CASQ2: variants seen among roughly 807,000 people sequenced by gnomAD.
CASQ2 encodes the protein calsequestrin-2.
In CASQ2, 49 loss-of-function variants were observed where a neutral mutation model predicts 46.5. That is an observed-to-expected ratio of 1.05 (90% CI 0.84 to 1.34). The LOEUF is 1.34. Ranked by LOEUF, CASQ2 falls within the 40% of genes most tolerant of loss-of-function variation. CASQ2 has a pLI of 0.00. For missense variants in CASQ2, 486 were observed against 481.3 expected (o/e 1.01, Z -0.09); for synonymous variants, 174 against 168.5 (o/e 1.03, Z -0.25).
chr1:115,712,294 C>T (rs987597103), intron 8 of CASQ2, among the ~76,000 whole-genome samples: 5 of 152,164 alleles, frequency 3.3e-5, no homozygotes, highest in South Asian at 2.1e-4. Flanking sequence ...CATGTGAATA[C>T]GCTACCACTC....
At chr1:115,720,204 G>A (rs1024335883) in intron 7 of CASQ2, among the ~76,000 whole-genome samples, 1 of 152,136 alleles carries the variant, frequency 6.6e-6, no homozygotes. Context: ...ATAAACAACA[G>A]AAATTTATTT....
chr1:115,723,441 T>C (rs1456542699), intron 7 of CASQ2, among the ~76,000 whole-genome samples: 1 of 152,228 alleles, frequency 6.6e-6, no homozygotes, highest in Non-Finnish European at 1.5e-5. Flanking sequence ...TTGGTACATC[T>C]GAAATTATTT....
chr1:115,736,050 C>A (rs866634707), intron 4 of CASQ2, among the ~76,000 whole-genome samples: 2 of 151,556 alleles, frequency 1.3e-5, no homozygotes, highest in Admixed American at 6.6e-5. Flanking sequence ...GTAATCCCAG[C>A]TACTCAGGAG....
chr1:115,740,444 A>G (rs952604860), intron 3 of CASQ2, among the ~76,000 whole-genome samples: 8 of 152,162 alleles, frequency 5.3e-5, no homozygotes, highest in African/African-American at 1.9e-4. Context: ...GTAGCAGTGG[A>G]GCAAAACCAA....
intron 5 of CASQ2, among the ~76,000 whole-genome samples, chr1:115,728,347 A>T (rs746369788): frequency 1.3e-5 from 2 of 152,216 alleles, no homozygotes; most frequent in Non-Finnish European, 2.9e-5. Context: ...CTACTCAGAG[A>T]TCAAGAAAAC....
At chr1:115,760,885 T>C (rs948387991) in intron 1 of CASQ2, among the ~76,000 whole-genome samples, 1 of 152,172 alleles carries the variant, frequency 6.6e-6, no homozygotes, top group Non-Finnish European at 1.5e-5. Flanking sequence ...TATTAATACA[T>C]AGATGAATTT....
intron 1 of CASQ2, among the ~76,000 whole-genome samples, chr1:115,750,133 G>A (rs1648527072): frequency 6.6e-6 from 1 of 152,218 alleles, no homozygotes; most frequent in African/African-American, 2.4e-5. Context: ...ACAAGTTCAA[G>A]GGCCTTGTGA....
intron 2 of CASQ2, among the ~76,000 whole-genome samples, chr1:115,743,886 C>T (rs1435293869): frequency 6.6e-6 from 1 of 151,888 alleles, no homozygotes; most frequent in Non-Finnish European, 1.5e-5. Context: ...CCTGTAATCC[C>T]ACCATTTTGG....
rs1179239525 is a variant in CASQ2 at position 115,754,343 on chromosome 1, G to T, written c.235-9431C>A. Among the ~76,000 whole-genome samples the T allele has an allele frequency of 2.6e-5, 4 of 152,178 alleles. No homozygotes were observed. The East Asian group carries it at 7.7e-4, about 29-fold the overall frequency. On this transcript the variant is annotated intron_variant, in intron 1 of 10. Coordinates refer to ENST00000261448, the MANE Select transcript of CASQ2 (RefSeq NM_001232.4). Reference sequence around the variant, plus strand: ...TGTTGATTGTTTTTATTGGCATTTTGGACTATCACGTTGGTCAATGCCAAG... The same window carrying T: ...TGTTGATTGTTTTTATTGGCATTTTTGACTATCACGTTGGTCAATGCCAAG...
intron 1 of CASQ2, 41 bp downstream of exon 1, chr1:115,768,267 T>A: frequency 7.6e-7 from 1 of 1,309,512 alleles, no homozygotes; most frequent in Admixed American, 1.7e-5. Context: ...CCTCGGCACC[T>A]CACTGAGGCA....
chr1:115,751,938 C>T (rs905370188), intron 1 of CASQ2, among the ~76,000 whole-genome samples: 6 of 152,186 alleles, frequency 3.9e-5, no homozygotes, highest in Non-Finnish European at 8.8e-5. Flanking sequence ...TCTTCAGCTC[C>T]GCAAAACATC....
chr1:115,733,379 A>C lies in CASQ2; in HGVS notation c.533-405T>G, dbSNP rs76070081. Among the ~76,000 whole-genome samples the C allele has an allele frequency of 4.1e-3, 625 of 152,326 alleles. 1 individual carries two copies. Among genetic ancestry groups the C allele is most frequent in the African/African-American group, 0.013 (542 of 41,560 alleles). ...TTGCCAGAATAAATGAGCCCTAAGT[A>C]AGAAGGAAATTCGTCTCACAGTGTA... On this transcript the variant is annotated intron_variant, in intron 4 of 10. Coordinates refer to ENST00000261448, the MANE Select transcript of CASQ2 (RefSeq NM_001232.4).
At position 115,768,381 on chromosome 1, in the gene CASQ2, A is replaced by G; in HGVS notation, c.161T>C (p.Leu54Pro). ...QVLKKYDLLCLYYHEPVSSDK... is the reference protein window; with the variant it reads ...QVLKKYDLLCPYYHEPVSSDK... ...TGAAGACACCGGCTCATGGTAGTAG[A>G]GGCAAAGCAAGTCATATTTCTTTAA... The change falls in exon 1 of 11, where the codon CTC becomes CCC. Residue 54 changes from leucine (L) to proline (P), a missense_variant. Coordinates refer to ENST00000261448, the MANE Select transcript of CASQ2 (RefSeq NM_001232.4). The G allele has an allele frequency of 6.2e-7, 1 of 1,614,094 alleles. No homozygotes were observed. Among genetic ancestry groups the G allele is most frequent in the Non-Finnish European group, 8.5e-7 (1 of 1,179,960 alleles).
chr1:115,700,752 C>T lies in CASQ2; in HGVS notation c.*489G>A. 1 of 415,258 alleles carries T rather than the reference C, an allele frequency of 2.4e-6. No individual in the cohort carries two copies. Among genetic ancestry groups the T allele is most frequent in the Admixed American group, 3.9e-5 (1 of 25,364 alleles). 25.7% of individuals were successfully genotyped at this position (415,258 alleles called of 1,614,324 possible). A position where few individuals can be genotyped will look rare whatever the true frequency, so the allele number is the denominator to read the frequency against. On this transcript the variant is annotated 3_prime_UTR_variant, in exon 11 of 11. Coordinates refer to ENST00000261448, the MANE Select transcript of CASQ2 (RefSeq NM_001232.4). ...CTGAGCCTTCTCTAAGAAGGATCAT[C>T]TTGGCTGGAGGAGGGATCCCAACTG...
chr1:115,704,707 G>C (rs1654306730), intron 9 of CASQ2, among the ~76,000 whole-genome samples: 1 of 152,170 alleles, frequency 6.6e-6, no homozygotes. Context: ...TTCATCGTAG[G>C]CTAGACACTA....
At chr1:115,753,469 C>T (rs528109108) in intron 1 of CASQ2, among the ~76,000 whole-genome samples, 72 of 149,770 alleles carry the variant, frequency 4.8e-4, no homozygotes, top group African/African-American at 1.2e-3. Context: ...TGGTAAGTCA[C>T]GGGTGACCTT....
rs183007053 is a variant in CASQ2 at position 115,754,201 on chromosome 1, A to G, written c.235-9289T>C. On this transcript the variant is annotated intron_variant, in intron 1 of 10. Coordinates refer to ENST00000261448, the MANE Select transcript of CASQ2 (RefSeq NM_001232.4). Reference sequence around the variant, plus strand: ...TGGGCAGTTGGCATGTGATGTGTTCACGAAGGAGGCTGGCTCAATGAAGGG... The same window carrying G: ...TGGGCAGTTGGCATGTGATGTGTTCGCGAAGGAGGCTGGCTCAATGAAGGG... Among the ~76,000 whole-genome samples the G allele has an allele frequency of 3.5e-3, 540 of 152,296 alleles. 3 individuals carry two copies. Among genetic ancestry groups the G allele is most frequent in the Non-Finnish European group, 5.8e-3 (396 of 68,028 alleles).
intron 10 of CASQ2, 129 bp from the exon 11 acceptor site, chr1:115,701,555 G>A: frequency 1.4e-6 from 1 of 719,720 alleles, no homozygotes; most frequent in Non-Finnish European, 2.6e-6. Flanking sequence ...CGTGCACATT[G>A]TTAAATGGAA....
chr1:115,714,558 T>C (rs1300433867), intron 8 of CASQ2, among the ~76,000 whole-genome samples: 2 of 152,124 alleles, frequency 1.3e-5, no homozygotes, highest in Non-Finnish European at 2.9e-5. Flanking sequence ...GGGTTAGGTG[T>C]TTGGTTGGGG....
Sources: gnomAD v4.1 joint callset for allele counts (sites outside exome capture counted in the v4.1 genomes callset) on GRCh38, gnomAD v4.1.1 for gene constraint, MANE v1.5 for transcripts, NCBI Gene and HGNC (gene_info 2026-07-23, HGNC 2026-07-21) for gene names.